Variants in DPP10 observed in about 807,000 individuals in gnomAD.
The protein encoded by DPP10 is inactive dipeptidyl peptidase 10.
Under a neutral mutation model 120.9 loss-of-function variants are expected in DPP10, and 33 were observed. That is an observed-to-expected ratio of 0.27 (90% CI 0.21 to 0.37). The LOEUF (loss-of-function observed/expected upper bound fraction) is 0.37. Among genes scored for constraint, DPP10 ranks in the 10% least tolerant of loss-of-function variants. DPP10 has a pLI of 1.00. For missense variants in DPP10, 816 were observed against 942.8 expected, an observed-to-expected ratio of 0.87 and a Z score of 1.76; for synonymous variants, 337 against 326.1, an observed-to-expected ratio of 1.03 and a Z score of -0.36.
chr2:114,938,678 A>G (rs1238551175), intron 1 of DPP10, among the ~76,000 whole-genome samples: 1 of 148,564 alleles, frequency 6.7e-6, no homozygotes, highest in Admixed American at 6.7e-5. Flanking sequence ...ATTTTTCCTT[A>G]GGCATTTGTC....
intron 5 of DPP10, among the ~76,000 whole-genome samples, chr2:115,591,581 G>A (rs547318543): frequency 1.3e-5 from 2 of 152,280 alleles, no homozygotes; most frequent in South Asian, 2.1e-4. Context: ...TTTGAAGTCA[G>A]GTAGTGTGAT....
At chr2:115,258,687 CACTTGAGGCCAGGA>C (rs2059117382) in intron 1 of DPP10, among the ~76,000 whole-genome samples, 1 of 152,034 alleles carries the variant, frequency 6.6e-6, no homozygotes, top group South Asian at 2.1e-4. Flanking sequence ...ATGGGAGGAT[CACTTGAGGCCAGGA>C]GCTTGAGACC....
chr2:114,811,819 A>G (rs1262448882), intron 1 of DPP10, among the ~76,000 whole-genome samples: 2 of 152,194 alleles, frequency 1.3e-5, no homozygotes, highest in African/African-American at 4.8e-5. Context: ...TTCTCTCTAC[A>G]ATAGAGCAGA....
intron 1 of DPP10, among the ~76,000 whole-genome samples, chr2:114,627,462 C>A (rs943535655): frequency 1.3e-5 from 2 of 152,108 alleles, no homozygotes; most frequent in African/African-American, 4.8e-5. Context: ...TCCTGCAGAT[C>A]TAGGTTTCCT....
intron 10 of DPP10, among the ~76,000 whole-genome samples, chr2:115,749,448 G>A (rs1387283325): frequency 6.6e-6 from 1 of 152,098 alleles, no homozygotes; most frequent in Non-Finnish European, 1.5e-5. Context: ...TTCTCAACCT[G>A]CATCACTGAT....
intron 4 of DPP10, among the ~76,000 whole-genome samples, chr2:115,512,738 A>G (rs1015841500): frequency 7.2e-5 from 11 of 151,964 alleles, no homozygotes; most frequent in African/African-American, 2.4e-4. Context: ...ATATAATTTC[A>G]TTTGGGTCAA....
At chr2:115,385,410 C>T (rs1283601899) in intron 3 of DPP10, among the ~76,000 whole-genome samples, 1 of 150,780 alleles carries the variant, frequency 6.6e-6, no homozygotes, top group Non-Finnish European at 1.5e-5. Flanking sequence ...GGCTGGAGTG[C>T]AGTGGCACAA....
chr2:114,534,772 G>A (rs1433829207), intron 1 of DPP10, among the ~76,000 whole-genome samples: 1 of 152,006 alleles, frequency 6.6e-6, no homozygotes, highest in East Asian at 1.9e-4. Flanking sequence ...TAGAGTCATG[G>A]AGTTGAAGAG....
intron 19 of DPP10, among the ~76,000 whole-genome samples, chr2:115,808,819 A>G (rs1274714052): frequency 2.6e-5 from 4 of 152,232 alleles, no homozygotes; most frequent in African/African-American, 9.6e-5. Flanking sequence ...TTGAGAATTT[A>G]ATTTATGAAC....
At chr2:114,848,477 A>G (rs530730833) in intron 1 of DPP10, among the ~76,000 whole-genome samples, 5 of 152,312 alleles carry the variant, frequency 3.3e-5, no homozygotes, top group Non-Finnish European at 7.3e-5. Context: ...TCGAGGAAGT[A>G]AGTCACAATA....
intron 19 of DPP10, among the ~76,000 whole-genome samples, chr2:115,806,274 A>G (rs1685957751): frequency 6.6e-6 from 1 of 152,166 alleles, no homozygotes; most frequent in Admixed American, 6.5e-5. Flanking sequence ...GTTGAGGTCA[A>G]CTTTTATAAT....
chr2:115,106,334 C>T (rs1295940368), intron 1 of DPP10, among the ~76,000 whole-genome samples: 1 of 152,174 alleles, frequency 6.6e-6, no homozygotes, highest in Non-Finnish European at 1.5e-5. Flanking sequence ...GCTTTCTTGG[C>T]ATCCAATGCA....
intron 4 of DPP10, among the ~76,000 whole-genome samples, chr2:115,499,856 G>A (rs1020424876): frequency 3.9e-5 from 6 of 151,908 alleles, no homozygotes; most frequent in African/African-American, 1.4e-4. Flanking sequence ...TGCTTAGAAA[G>A]AATAATTTTC....
At chr2:115,493,824 G>T (rs1398902093) in intron 3 of DPP10, among the ~76,000 whole-genome samples, 1 of 152,290 alleles carries the variant, frequency 6.6e-6, no homozygotes, top group Non-Finnish European at 1.5e-5. Context: ...AAGATACAGA[G>T]AATAGCTTGT....
At chr2:114,982,594 ATT>A (rs980221614) in intron 1 of DPP10, among the ~76,000 whole-genome samples, 8 of 151,092 alleles carry the variant, frequency 5.3e-5, no homozygotes, top group African/African-American at 1.9e-4. Flanking sequence ...TCAAATATAC[ATT>A]TTTTTCTTTT....
At chr2:115,767,492 T>C (rs1680915940) in intron 12 of DPP10, among the ~76,000 whole-genome samples, 1 of 145,290 alleles carries the variant, frequency 6.9e-6, no homozygotes, top group Admixed American at 7.4e-5. Context: ...TGTGTGTGTA[T>C]ATATATATAC....
intron 5 of DPP10, among the ~76,000 whole-genome samples, chr2:115,638,715 A>T (rs1024861419): frequency 6.6e-6 from 1 of 152,200 alleles, no homozygotes; most frequent in Non-Finnish European, 1.5e-5. Context: ...ATCTGGACCA[A>T]CAAATGTGTA....
intron 1 of DPP10, among the ~76,000 whole-genome samples, chr2:114,991,540 G>A (rs867239627): frequency 3.3e-5 from 5 of 152,162 alleles, no homozygotes; most frequent in Admixed American, 6.5e-5. Context: ...CTATTTTACT[G>A]CCAACAACAT....
At chr2:115,774,438 G>A (rs1196820838) in intron 13 of DPP10, among the ~76,000 whole-genome samples, 2 of 151,902 alleles carry the variant, frequency 1.3e-5, no homozygotes, top group South Asian at 2.1e-4. Flanking sequence ...TTCAAAGCAG[G>A]GCCTGGAAAC....
Sources: allele counts gnomAD v4.1 joint callset (sites outside exome capture counted in the v4.1 genomes callset), GRCh38; gene constraint gnomAD v4.1.1; transcripts MANE v1.5; gene names NCBI Gene and HGNC (gene_info 2026-07-23, HGNC 2026-07-21).